The following PBX1 variants were observed in gnomAD, a reference collection of about 807,000 sequenced individuals.
The protein encoded by PBX1 is pre-B-cell leukemia transcription factor 1.
In PBX1, 6 loss-of-function variants were observed where a neutral mutation model predicts 53.4. The ratio of observed to expected loss-of-function variants is 0.11; its 90% CI spans 0.06 to 0.22. PBX1 has a LOEUF of 0.22. PBX1 is among the 10% of genes least tolerant of loss of function. PBX1 has a pLI of 1.00. For synonymous variants in PBX1, 204 were observed against 212.3 expected (o/e 0.96, Z 0.34); for missense variants, 251 against 551.4 (o/e 0.46, Z 5.46).
At chr1:164,583,404 T>A (rs1480914787) in intron 2 of PBX1, among the ~76,000 whole-genome samples, 1 of 152,192 alleles carries the variant, frequency 6.6e-6, no homozygotes, top group African/African-American at 2.4e-5. Flanking sequence ...ATTCCTGGGC[T>A]AACTAACCCA....
At chr1:164,658,314 G>A (rs4657367) in intron 2 of PBX1, among the ~76,000 whole-genome samples, 25,110 of 152,194 alleles carry the variant, frequency 0.16, 2,167 homozygotes, top group South Asian at 0.21. Flanking sequence ...CATTTCCAAA[G>A]GTTCTCATCA....
At chr1:164,783,536 G>C (rs1668029736) in intron 2 of PBX1, among the ~76,000 whole-genome samples, 1 of 152,060 alleles carries the variant, frequency 6.6e-6, no homozygotes, top group Non-Finnish European at 1.5e-5. Context: ...TTCCCAAAGG[G>C]ATCTTTATCA....
intron 1 of PBX1, among the ~76,000 whole-genome samples, chr1:164,562,385 TCTG>T (rs1302079545): frequency 6.6e-6 from 1 of 151,820 alleles, no homozygotes; most frequent in Non-Finnish European, 1.5e-5. Context: ...ACAGTATCAT[TCTG>T]CTAAGTGGTT....
chr1:164,824,489 T>C (rs1670323819), intron 8 of PBX1, among the ~76,000 whole-genome samples: 2 of 152,214 alleles, frequency 1.3e-5, no homozygotes, highest in South Asian at 4.1e-4. Flanking sequence ...GAATGCAGTA[T>C]GAAATTTTGT....
chr1:164,808,875 C>A (rs1669475388), intron 5 of PBX1, among the ~76,000 whole-genome samples: 1 of 152,120 alleles, frequency 6.6e-6, no homozygotes, highest in Non-Finnish European at 1.5e-5. Context: ...TAACCTGGGC[C>A]TTCCTTAGGT....
Position 164,812,108 on chromosome 1 carries a change from A to G in PBX1, c.956A>G (p.His319Arg). ...GTCACTGCTACCAATGTGTCAGCCC[A>G]TGGAAGCCAAGCTAACTCGCCCTCA... is the stretch of plus-strand genomic sequence containing the variant. ...TAVTATNVSA[H>R]GSQANSPSTP... Residue 319 changes from histidine (H) to arginine (R), a missense_variant, in exon 6 of 9, where the codon CAT becomes CGT. By Grantham distance (29) the His-to-Arg change is conservative. This residue lies in a region of PBX1 where 20 missense variants were observed against 144.8 expected (regional missense o/e 0.14). Coordinates refer to ENST00000420696, the MANE Select transcript of PBX1 (RefSeq NM_002585.4). 2 of 1,613,764 alleles carry G rather than the reference A, an allele frequency of 1.2e-6. No individual in the cohort carries two copies. The highest frequency in any genetic ancestry group is 1.1e-5 in the South Asian group (1 of 90,968).
rs1460404391 is a variant in PBX1 at position 164,847,556 on chromosome 1, G to T, written c.*880G>T. ...GCCTGAGTTAGGCATGGTGATGAAT[G>T]CATCAGCAAGGAATAGAAAGTTCTT... On this transcript the variant is annotated 3_prime_UTR_variant, in exon 9 of 9. Transcript: ENST00000420696. 2 of 1,062,732 alleles carry T rather than the reference G, an allele frequency of 1.9e-6. No homozygotes were observed. The highest frequency in any genetic ancestry group is 2.3e-6 in the Non-Finnish European group (2 of 877,814). 65.8% of individuals were successfully genotyped at this position (1,062,732 alleles called of 1,614,324 possible).
chr1:164,606,776 T>C (rs1656589654), intron 2 of PBX1, among the ~76,000 whole-genome samples: 1 of 152,236 alleles, frequency 6.6e-6, no homozygotes, highest in Non-Finnish European at 1.5e-5. Flanking sequence ...CAGTTCATTC[T>C]TTGTGCATGG....
rs1672352009 is a variant in PBX1, at chr1:164,870,356, T to TTC, written n.258-28832_258-28831insTC. 3.7e-4 allele frequency among the ~76,000 whole-genome samples: 30 copies of TTC among 80,244 alleles called. 1 individual carries two copies. The highest frequency in any genetic ancestry group is 1.1e-3 in the African/African-American group (25 of 23,764). The allele number at this position is 80,244 out of a possible 152,430, so 52.6% of individuals were successfully genotyped here. A position where few individuals can be genotyped will look rare whatever the true frequency, so the allele number is the denominator to read the frequency against. On this transcript the variant is annotated intron_variant and non_coding_transcript_variant, in intron 2 of 2. Coordinates refer to the PBX1 transcript ENST00000558796. ...TTCTTTCTTTCTTTCTTTCTTTCTT[T>TTC]CTTTCGAGATGAAGTCTTGCTCTGT...
At chr1:164,767,162 C>T in intron 2 of PBX1, among the ~76,000 whole-genome samples, 1 of 152,154 alleles carries the variant, frequency 6.6e-6, no homozygotes, top group South Asian at 2.1e-4. Flanking sequence ...TGTCTGTTCA[C>T]TCTTTACAAA....
At chr1:164,625,809 T>TA (rs200931470) in intron 2 of PBX1, 6,919 of 287,912 alleles carry the variant, frequency 0.024, 20 homozygotes, top group African/African-American at 0.031. Context: ...TGATGGGATT[T>TA]AAAAAAAAAA....
intron 2 of PBX1, among the ~76,000 whole-genome samples, chr1:164,688,286 A>G (rs560179799): frequency 1.3e-5 from 2 of 152,290 alleles, no homozygotes; most frequent in South Asian, 4.1e-4. Context: ...TCAGTTCGGT[A>G]AAGTATTTGG....
At chr1:164,599,888 T>C (rs1249429896) in intron 2 of PBX1, among the ~76,000 whole-genome samples, 1 of 152,232 alleles carries the variant, frequency 6.6e-6, no homozygotes, top group Non-Finnish European at 1.5e-5. Flanking sequence ...AAAAAGCTTC[T>C]GTGCTCTTTT....
rs529537435 is a variant in PBX1 at position 164,655,109 on chromosome 1, T to TTA, written c.265+91799_265+91800insAT. Among the ~76,000 whole-genome samples, 408 of 150,794 alleles carry TTA rather than the reference T, an allele frequency of 2.7e-3. 2 individuals carry two copies. In the Middle Eastern group the frequency reaches 0.065, roughly 24 times the overall value. On this transcript the variant is annotated intron_variant, in intron 2 of 8. Transcript: ENST00000420696. ...CCAGTCTCTGATGTGTGTTTTTTTT[T>TTA]TTTTTTTATTTTTATTTTTTTAAGA...
At chr1:164,843,029 G>T (rs1012665081) in intron 8 of PBX1, among the ~76,000 whole-genome samples, 4 of 151,620 alleles carry the variant, frequency 2.6e-5, no homozygotes, top group Non-Finnish European at 5.9e-5. Flanking sequence ...GTAGAGGGAA[G>T]GAATTGCTCC....
rs552492130 is a variant in PBX1, at chr1:164,741,249, G to A, written c.266-51245G>A. The stretch of plus-strand genomic sequence containing the variant: ...GACTCATGAAGTGAAGGCAGCATTC[G>A]TGGGACATGAGGAAGAGATCTCTGG... On this transcript the variant is annotated intron_variant, in intron 2 of 8. Coordinates refer to ENST00000420696, the MANE Select transcript of PBX1 (RefSeq NM_002585.4). Among the ~76,000 whole-genome samples, 7 of 152,312 alleles carry A rather than the reference G, an allele frequency of 4.6e-5. 1 individual carries two copies. Among genetic ancestry groups the A allele is most frequent in the African/African-American group, 1.2e-4 (5 of 41,560 alleles).
intron 2 of PBX1, among the ~76,000 whole-genome samples, chr1:164,790,440 T>G (rs78682128): frequency 0.017 from 2,639 of 152,286 alleles, 72 homozygotes; most frequent in African/African-American, 0.061. Flanking sequence ...ATATTCAGGT[T>G]TGAAGAGAGA....
intron 2 of PBX1, among the ~76,000 whole-genome samples, chr1:164,656,002 CAGTT>C (rs79626554): frequency 0.031 from 4,646 of 152,232 alleles, 108 homozygotes; most frequent in East Asian, 0.09. Context: ...ATTATATAGA[CAGTT>C]AGCCTTCAAT....
rs1671742776 is a variant in PBX1 at position 164,849,763 on chromosome 1, A to T, written c.*3087A>T. ...TATGTTTTATTTTGCTATGGTGGTG[A>T]TTCTTTATTTGCTGGTTGTCTTTTC... is the stretch of plus-strand genomic sequence containing the variant. On this transcript the variant is annotated 3_prime_UTR_variant, in exon 9 of 9. Transcript: ENST00000420696. The T allele has an allele frequency of 4.1e-6, 1 of 242,984 alleles. No homozygotes were observed. The highest frequency in any genetic ancestry group is 5.5e-5 in the Admixed American group (1 of 18,028). 15.1% of individuals were successfully genotyped at this position (242,984 alleles called of 1,614,324 possible).
Sources: gnomAD v4.1 joint callset for allele counts (sites outside exome capture counted in the v4.1 genomes callset) on GRCh38, gnomAD v4.1.1 for gene constraint, gnomAD v4.1.1 regional missense constraint, MANE v1.5 for transcripts, NCBI Gene and HGNC (gene_info 2026-07-23, HGNC 2026-07-21) for gene names.